The following CDH13 variants were observed in gnomAD, a reference collection of about 807,000 sequenced individuals.
CDH13 encodes the protein cadherin 13.
In CDH13, 24 loss-of-function variants were observed where a neutral mutation model predicts 63.8. That is an observed-to-expected ratio of 0.38 (90% confidence interval 0.27 to 0.53). The LOEUF is 0.53. Ranked by LOEUF, CDH13 falls within the 20% of genes least tolerant of loss-of-function variation. The pLI, the probability that CDH13 is intolerant of heterozygous loss-of-function variation, is 0.85. For synonymous variants in CDH13, 503 were observed against 355.3 expected, an observed-to-expected ratio of 1.42 and a Z score of -4.67; for missense variants, 1,049 against 903.1, an observed-to-expected ratio of 1.16 and a Z score of -2.07.
intron 5 of CDH13, among the ~76,000 whole-genome samples, chr16:83,247,404 T>C (rs1905082953): frequency 6.6e-6 from 1 of 152,172 alleles, no homozygotes; most frequent in African/African-American, 2.4e-5. Context: ...GTGCTTCAGT[T>C]TAGTGCATAT....
At chr16:83,144,173 A>G (rs927914508) in intron 4 of CDH13, among the ~76,000 whole-genome samples, 1 of 152,170 alleles carries the variant, frequency 6.6e-6, no homozygotes, top group Non-Finnish European at 1.5e-5. Context: ...CCCTACCTGG[A>G]GAGCCTACAG....
rs146775147 is a variant in CDH13, at chr16:83,470,044, C to T, written c.782-16433C>T. The stretch of plus-strand genomic sequence containing the variant: ...TACTTGTTGTAACAGGCAACTATTA[C>T]AGTACAAGATATCCTGCTTCAGATC... On this transcript the variant is annotated intron_variant, in intron 6 of 13. Coordinates refer to ENST00000567109, the MANE Select transcript of CDH13 (RefSeq NM_001257.5). 2.8e-3 allele frequency among the ~76,000 whole-genome samples: 420 copies of T among 152,276 alleles called. 2 individuals are homozygous for T. Among genetic ancestry groups the T allele is most frequent in the African/African-American group, 9.6e-3 (400 of 41,546 alleles).
At chr16:83,539,533 C>A (rs147099978) in intron 7 of CDH13, among the ~76,000 whole-genome samples, 2 of 152,028 alleles carry the variant, frequency 1.3e-5, no homozygotes, top group South Asian at 4.1e-4. Context: ...AAAGGAAAAC[C>A]GAAACATTGA....
chr16:82,668,001 C>T (rs552432265), intron 1 of CDH13, among the ~76,000 whole-genome samples: 121 of 152,260 alleles, frequency 7.9e-4, no homozygotes, highest in Admixed American at 1.5e-3. Flanking sequence ...ACGCATCTAT[C>T]GCGACACCAT....
chr16:82,822,275 A>C (rs1282805810), intron 1 of CDH13, among the ~76,000 whole-genome samples: 1 of 152,170 alleles, frequency 6.6e-6, no homozygotes, highest in Non-Finnish European at 1.5e-5. Context: ...TGTCTACACA[A>C]ATGAGTACTG....
intron 4 of CDH13, among the ~76,000 whole-genome samples, chr16:83,136,385 C>G (rs1452059063): frequency 6.7e-6 from 1 of 149,820 alleles, no homozygotes; most frequent in Non-Finnish European, 1.5e-5. Context: ...ACTCGGGAGG[C>G]TGAGGCAGGA....
In CDH13 at chr16:82,706,451, C is replaced by T. The variant is rs545244279; in HGVS notation, c.45+79314C>T. 8.5e-5 allele frequency among the ~76,000 whole-genome samples: 13 copies of T among 152,112 alleles called. No homozygotes were observed. In the South Asian group the frequency reaches 2.1e-3, roughly 24 times the overall value. On this transcript the variant is annotated intron_variant, in intron 1 of 13. Coordinates refer to ENST00000567109, the MANE Select transcript of CDH13 (RefSeq NM_001257.5). ...TTCATGCCAGGGCAGAGTAGAAGGC[C>T]GTGGAGCTGCTAGGTGGTTGGCCTG...
intron 2 of CDH13, among the ~76,000 whole-genome samples, chr16:83,007,956 A>G (rs922391947): frequency 1.3e-5 from 2 of 152,032 alleles, no homozygotes; most frequent in Admixed American, 6.6e-5. Context: ...CTTTTCCTCA[A>G]TTGTTCCTAC....
At chr16:83,453,426 A>G (rs993652967) in intron 6 of CDH13, among the ~76,000 whole-genome samples, 14 of 152,214 alleles carry the variant, frequency 9.2e-5, no homozygotes, top group East Asian at 1.9e-4. Context: ...CATGAATAAC[A>G]TTACACCCCA....
chr16:83,081,958 G>A (rs1006917905), intron 3 of CDH13, among the ~76,000 whole-genome samples: 2 of 151,940 alleles, frequency 1.3e-5, no homozygotes, highest in South Asian at 2.1e-4. Flanking sequence ...GCGCCACCAC[G>A]CCCAGCTAAT....
At chr16:83,144,619 C>T (rs765315218) in intron 4 of CDH13, among the ~76,000 whole-genome samples, 5 of 152,190 alleles carry the variant, frequency 3.3e-5, no homozygotes, top group Non-Finnish European at 7.3e-5. Flanking sequence ...ATACTATGCC[C>T]AGATCCTGCC....
intron 2 of CDH13, among the ~76,000 whole-genome samples, chr16:83,029,979 A>T (rs1247126170): frequency 1.3e-5 from 2 of 152,230 alleles, no homozygotes; most frequent in Non-Finnish European, 2.9e-5. Flanking sequence ...GCAGACAGGC[A>T]AATGCATGCA....
chr16:83,711,158 G>A (rs72628281), intron 10 of CDH13, among the ~76,000 whole-genome samples: 12,869 of 152,228 alleles, frequency 0.085, 704 homozygotes, highest in East Asian at 0.26. Flanking sequence ...AGAAGTATCT[G>A]TGACTTCAGA....
intron 5 of CDH13, among the ~76,000 whole-genome samples, chr16:83,269,864 A>G (rs1188408951): frequency 6.6e-6 from 1 of 152,128 alleles, no homozygotes; most frequent in Non-Finnish European, 1.5e-5. Context: ...ATCTCATCTG[A>G]TTTGTCTGTC....
At chr16:82,842,980 T>C (rs2039097572) in intron 1 of CDH13, among the ~76,000 whole-genome samples, 2 of 152,176 alleles carry the variant, frequency 1.3e-5, no homozygotes, top group Non-Finnish European at 2.9e-5. Flanking sequence ...GGGGAGCAGC[T>C]ATAAATACAG....
At chr16:83,749,450 G>A (rs1385066451) in intron 11 of CDH13, among the ~76,000 whole-genome samples, 4 of 152,184 alleles carry the variant, frequency 2.6e-5, no homozygotes, top group Non-Finnish European at 5.9e-5. Context: ...AAAACTAGAA[G>A]GGGGCACAGC....
chr16:83,321,952 G>A (rs984145469), intron 5 of CDH13, among the ~76,000 whole-genome samples: 1 of 152,234 alleles, frequency 6.6e-6, no homozygotes. Context: ...ACTGGTAGGT[G>A]GGAGCCTGGT....
chr16:83,374,338 C>T (rs117580676), intron 6 of CDH13, among the ~76,000 whole-genome samples: 3,271 of 152,266 alleles, frequency 0.021, 40 homozygotes, highest in Middle Eastern at 0.044. Context: ...AGATTCCAAG[C>T]CAAATTCCAT....
At chr16:82,685,281 G>C (rs1255403106) in intron 1 of CDH13, among the ~76,000 whole-genome samples, 1 of 152,166 alleles carries the variant, frequency 6.6e-6, no homozygotes, top group East Asian at 1.9e-4. Flanking sequence ...TTTAGTGTCT[G>C]GTGAGGTCCC....
Sources: gnomAD v4.1 joint callset for allele counts (sites outside exome capture counted in the v4.1 genomes callset) on GRCh38, gnomAD v4.1.1 for gene constraint, MANE v1.5 for transcripts, NCBI Gene and HGNC (gene_info 2026-07-23, HGNC 2026-07-21) for gene names.